The following SP140L variants were observed in gnomAD, a reference collection of about 807,000 sequenced individuals.
SP140L encodes the protein nuclear body protein SP140-like protein.
Under a neutral mutation model 84.3 loss-of-function variants are expected in SP140L, and 64 were observed. The ratio of observed to expected loss-of-function variants is 0.76; its 90% CI spans 0.62 to 0.94. SP140L has a LOEUF of 0.94. Among genes scored for constraint, SP140L ranks in the 40% least tolerant of loss-of-function variants. SP140L has a pLI of 0.00. For synonymous variants in SP140L, 242 were observed against 236.9 expected, an observed-to-expected ratio of 1.02 and a Z score of -0.20; for missense variants, 628 against 692.5, an observed-to-expected ratio of 0.91 and a Z score of 1.05.
intron 11 of SP140L, among the ~76,000 whole-genome samples, chr2:230,390,925 A>T (rs886872490): frequency 6.6e-6 from 1 of 152,150 alleles, no homozygotes; most frequent in East Asian, 1.9e-4. Flanking sequence ...GCAGCTGCTA[A>T]TCTATTTTCT....
chr2:230,390,671 G>C (rs2061763765), intron 11 of SP140L, among the ~76,000 whole-genome samples: 1 of 152,100 alleles, frequency 6.6e-6, no homozygotes, highest in East Asian at 1.9e-4. Flanking sequence ...TTGGCTCTTT[G>C]AGCACCAATT....
At chr2:230,393,592 ATT>A in intron 13 of SP140L, 131 bp downstream of exon 13, 1 of 1,112,832 alleles carries the variant, frequency 9.0e-7, no homozygotes, top group South Asian at 2.0e-5. Context: ...CCACATATAA[ATT>A]TTTTTAATAT....
intron 2 of SP140L, among the ~76,000 whole-genome samples, chr2:230,329,905 C>T (rs1028228052): frequency 1.3e-5 from 2 of 152,180 alleles, no homozygotes; most frequent in African/African-American, 4.8e-5. Flanking sequence ...GTTTCTATAG[C>T]TCTGCAAGCT....
chr2:230,369,217 G>T (rs1575491829), intron 5 of SP140L, among the ~76,000 whole-genome samples: 3 of 140,492 alleles, frequency 2.1e-5, no homozygotes, highest in East Asian at 4.2e-4. Flanking sequence ...CTATGCTGGG[G>T]CAGGCCTTGA....
intron 2 of SP140L, among the ~76,000 whole-genome samples, chr2:230,354,634 T>C (rs1327232002): frequency 1.3e-5 from 2 of 151,768 alleles, no homozygotes; most frequent in Non-Finnish European, 1.5e-5. Flanking sequence ...AAAAATTAGC[T>C]GGGCATGGTG....
At chr2:230,394,531 G>A (rs1315859968) in intron 13 of SP140L, among the ~76,000 whole-genome samples, 2 of 152,186 alleles carry the variant, frequency 1.3e-5, no homozygotes, top group Admixed American at 1.3e-4. Flanking sequence ...GGGAAACTAT[G>A]ATGTCACCTA....
chr2:230,393,339 G>A, intron 12 of SP140L, 75 bp from the exon 13 acceptor site: 2 of 1,478,670 alleles, frequency 1.4e-6, no homozygotes, highest in Admixed American at 2.4e-5. Context: ...AAGTATTTGG[G>A]AAGAGGTTGG....
intron 5 of SP140L, among the ~76,000 whole-genome samples, chr2:230,363,005 C>T (rs541101530): frequency 3.9e-5 from 6 of 152,120 alleles, no homozygotes; most frequent in Admixed American, 2.0e-4. Flanking sequence ...GTGGTGTAAA[C>T]GCACATAAGG....
At position 230,359,096 on chromosome 2, in the gene SP140L, C is replaced by A; in HGVS notation, c.403C>A (p.Pro135Thr). The A allele has an allele frequency of 6.2e-7, 1 of 1,608,110 alleles. No individual in the cohort carries two copies. Reference sequence around the variant, plus strand: ...CAGCGAGGTCAACATGCAGGAATACCCCGATTTAATTCACATTTATAAAAG... The same window carrying A: ...CAGCGAGGTCAACATGCAGGAATACACCGATTTAATTCACATTTATAAAAG... The part of the protein sequence containing the change: ...LFSEVNMQEY[P>T]DLIHIYKSFK... Residue 135 changes from proline (P) to threonine (T), a missense_variant, in exon 4 of 19, where the codon CCC (proline) becomes ACC (threonine). By Grantham distance (38) the Pro-to-Thr change is conservative. This residue lies in a region of SP140L where 525 missense variants were observed against 518.4 expected (regional missense o/e 1.01). Transcript: ENST00000415673.
intron 1 of SP140L, among the ~76,000 whole-genome samples, chr2:230,328,485 T>G (rs996325709): frequency 6.6e-6 from 1 of 152,256 alleles, no homozygotes; most frequent in Admixed American, 6.5e-5. Context: ...CTTTTCACCT[T>G]AATGCATATA....
chr2:230,362,720 G>A (rs2149743019), intron 5 of SP140L, among the ~76,000 whole-genome samples: 1 of 152,258 alleles, frequency 6.6e-6, no homozygotes, highest in East Asian at 1.9e-4. Context: ...CTGAAATCTG[G>A]ACAAACCACT....
At chr2:230,382,382 C>T (rs1314339372) in intron 7 of SP140L, among the ~76,000 whole-genome samples, 3 of 152,082 alleles carry the variant, frequency 2.0e-5, no homozygotes, top group Non-Finnish European at 2.9e-5. Context: ...CACCAATGCT[C>T]CTGCTTCCTC....
chr2:230,363,727 T>C (rs1437986746), intron 5 of SP140L, among the ~76,000 whole-genome samples: 1 of 123,010 alleles, frequency 8.1e-6, no homozygotes, highest in Non-Finnish European at 1.6e-5. Context: ...TTTGGTGTCA[T>C]ACCAAAAACA....
Position 230,383,573 on chromosome 2 carries a change from A to G in SP140L, c.701A>G (p.Asn234Ser), listed in dbSNP as rs771032749. 1.0e-5 allele frequency: 16 copies of G among 1,601,032 alleles called. No individual in the cohort carries two copies. The South Asian group carries it at 1.1e-4, about 11-fold the overall frequency. ...AGAACGCAGAAAAACAACCAACAAA[A>G]TGGTAAGCAGGCAAAGTGAAGTAGT... ...GTRTQKNNQQNDNSKADGQLV... is the reference protein window; with the variant it reads ...GTRTQKNNQQSDNSKADGQLV... The change falls in exon 8 of 19, where the codon AAT becomes AGT. Residue 234 changes from asparagine to serine, a missense_variant and splice_region_variant. Around this residue, in one of 4 missense-constraint regions of SP140L, gnomAD observed 525 missense variants for 518.4 expected, o/e 1.01. Coordinates refer to ENST00000415673, the MANE Select transcript of SP140L (RefSeq NM_138402.6).
intron 7 of SP140L, among the ~76,000 whole-genome samples, chr2:230,375,542 C>T (rs1425267808): frequency 6.6e-6 from 1 of 152,120 alleles, no homozygotes; most frequent in Non-Finnish European, 1.5e-5. Context: ...TTCTCCACAC[C>T]CTCACCTATA....
At chr2:230,339,958 G>T (rs2059990548) in intron 2 of SP140L, among the ~76,000 whole-genome samples, 2 of 151,222 alleles carry the variant, frequency 1.3e-5, no homozygotes, top group Non-Finnish European at 2.9e-5. Flanking sequence ...TGAAAAAAAT[G>T]TATATTCTGT....
At chr2:230,384,284 G>A (rs1297629103) in intron 8 of SP140L, among the ~76,000 whole-genome samples, 1 of 152,160 alleles carries the variant, frequency 6.6e-6, no homozygotes, top group African/African-American at 2.4e-5. Context: ...ACCATCTGGA[G>A]ACAGCCATCC....
chr2:230,383,760 T>C (rs553420721), intron 8 of SP140L, among the ~76,000 whole-genome samples, 185 bp downstream of exon 8: 1 of 152,298 alleles, frequency 6.6e-6, no homozygotes, highest in Non-Finnish European at 1.5e-5. Flanking sequence ...AAATGGTTTC[T>C]AATGCATGTA....
At position 230,329,512 on chromosome 2, in the gene SP140L, A is replaced by C. The variant is rs112308248; in HGVS notation, c.107+681A>C. Among the ~76,000 whole-genome samples the C allele has an allele frequency of 1.3e-3, 198 of 152,254 alleles. 2 individuals carry two copies. The highest frequency in any genetic ancestry group is 4.3e-3 in the African/African-American group (180 of 41,552). ...AGAATTGTAATTTCCAGGTGTTGAGAGAGGGACCTGGTGGGAGGTGATTGG... is the reference window on the plus strand; with the variant it reads ...AGAATTGTAATTTCCAGGTGTTGAGCGAGGGACCTGGTGGGAGGTGATTGG... On this transcript the variant is annotated intron_variant, in intron 2 of 18. Transcript: ENST00000415673.
Sources: allele counts gnomAD v4.1 joint callset (sites outside exome capture counted in the v4.1 genomes callset), GRCh38; gene constraint gnomAD v4.1.1; regional missense constraint gnomAD v4.1.1; transcripts MANE v1.5; gene names NCBI Gene and HGNC (gene_info 2026-07-23, HGNC 2026-07-21).